The following ABCA9 variants were observed in gnomAD, a reference collection of about 807,000 sequenced individuals.
The protein encoded by ABCA9 is ATP binding cassette subfamily A member 9, also known as ATP-binding cassette sub-family A member 9.
ABCA9 carries 183 observed loss-of-function variants against 205.3 expected under a neutral mutation model. That is an observed-to-expected ratio of 0.89 (90% CI 0.79 to 1.01). The LOEUF (loss-of-function observed/expected upper bound fraction) is 1.01, where lower values mean the gene tolerates loss of function less well. Among genes scored for constraint, ABCA9 ranks in the 50% least tolerant of loss-of-function variants. The probability of loss-of-function intolerance (pLI) is 0.00; values close to 1 mark genes in which losing one functional copy is unlikely to be tolerated. For synonymous variants in ABCA9, 651 were observed against 683.3 expected, an observed-to-expected ratio of 0.95 and a Z score of 0.74; for missense variants, 1,805 against 1,912.4, an observed-to-expected ratio of 0.94 and a Z score of 1.05.
At position 69,020,388 on chromosome 17, in the gene ABCA9, A is replaced by G. The variant is rs752696068; in HGVS notation, c.2600T>C (p.Ile867Thr). ...LKKERKSLWTILLLFGISFIP... is the reference protein window; with the variant it reads ...LKKERKSLWTTLLLFGISFIP... Reference sequence around the variant, plus strand: ...AAATCTGAAACACTCAGATACTCACATAGTCCACAGGCTTTTTCTTTCTTT... The same window carrying G: ...AAATCTGAAACACTCAGATACTCACGTAGTCCACAGGCTTTTTCTTTCTTT... The change falls in exon 19 of 39, where the codon ATA becomes ACA. Residue 867 changes from isoleucine (I) to threonine (T), a missense_variant and splice_region_variant. Transcript: ENST00000340001. The G allele has an allele frequency of 6.2e-7, 1 of 1,610,766 alleles. No individual in the cohort carries two copies. Among genetic ancestry groups the G allele is most frequent in the Non-Finnish European group, 8.5e-7 (1 of 1,178,964 alleles).
At position 69,021,906 on chromosome 17, in the gene ABCA9, TGAG is replaced by T. The variant is rs1440965458; in HGVS notation, c.2282-48_2282-46del. 3.8e-6 allele frequency: 5 copies of T among 1,309,138 alleles called. No homozygotes were observed. The South Asian group carries it at 8.6e-5, about 23-fold the overall frequency. 81.1% of individuals were successfully genotyped at this position (1,309,138 alleles called of 1,614,324 possible). On this transcript the variant is annotated intron_variant, in intron 17 of 38. Transcript: ENST00000340001. ...CAGATTATAAGAATATAATTTATAATGAGAACCATATTTCTCAAAAATGTAAAA... is the reference window on the plus strand; with the variant it reads ...CAGATTATAAGAATATAATTTATAATAACCATATTTCTCAAAAATGTAAAA...
At chr17:68,988,343 A>G (rs573804510) in intron 31 of ABCA9, among the ~76,000 whole-genome samples, 4 of 150,890 alleles carry the variant, frequency 2.7e-5, no homozygotes, top group Non-Finnish European at 4.4e-5. Flanking sequence ...ATAATTATCC[A>G]TTTTTTTTTC....
chr17:69,033,890 C>T lies in ABCA9; in HGVS notation c.1129-17G>A, dbSNP rs1348998648. 1 of 1,556,836 alleles carries T rather than the reference C, an allele frequency of 6.4e-7. No homozygotes were observed. The highest frequency in any genetic ancestry group is 1.9e-5 in the Admixed American group (1 of 53,276). The stretch of plus-strand genomic sequence containing the variant: ...ATGTATAAGCTGAAAAAGAAAGATA[C>T]AGTGAATTTTAAAAGAATTAATATG... On this transcript the variant is annotated splice_polypyrimidine_tract_variant and intron_variant, in intron 8 of 38. Coordinates refer to ENST00000340001, the MANE Select transcript of ABCA9 (RefSeq NM_080283.4).
the ABCA9 span, among the ~76,000 whole-genome samples, chr17:69,072,660 A>G: frequency 1.3e-5 from 2 of 152,032 alleles, no homozygotes; most frequent in Admixed American, 6.6e-5. Flanking sequence ...AAATGTAAAG[A>G]CCATCAACAC....
In ABCA9 at chr17:69,023,121, G is replaced by A. The variant is rs1175134254; in HGVS notation, c.2281+1093C>T. 6.6e-6 allele frequency: 1 copy of A among 152,096 alleles called. No homozygotes were observed. The highest frequency in any genetic ancestry group is 1.5e-5 in the Non-Finnish European group (1 of 68,016). The allele number at this position is 152,096 out of a possible 1,614,324, so 9.4% of individuals were successfully genotyped here. Reference sequence around the variant, plus strand: ...TATTTCATCATCTTTTAATATATCTGAAATAATAATGGATCTTAAATGATA... The same window carrying A: ...TATTTCATCATCTTTTAATATATCTAAAATAATAATGGATCTTAAATGATA... On this transcript the variant is annotated intron_variant, in intron 17 of 38. Transcript: ENST00000340001. The surrounding 1 kb of genome is among the most constrained non-coding windows in gnomAD (Gnocchi z 4.2).
At chr17:69,071,245 G>A in the ABCA9 span, among the ~76,000 whole-genome samples, 1 of 152,206 alleles carries the variant, frequency 6.6e-6, no homozygotes, top group Admixed American at 6.5e-5. Context: ...GCTCTGCTAA[G>A]GGACAGACTG....
In ABCA9 at chr17:69,035,414, C is replaced by A. The variant is rs1259044361; in HGVS notation, c.960G>T (p.Leu320=). ...YGLSLITLAF[L]MSVLIKKPFL... ...AAGGTTTCTTTATCAACACACTCAT[C>A]AGGAAAGCTAAAGTTATCTGAGAAA... Residue 320 remains leucine (L), a synonymous_variant, in exon 8 of 39, where the codon CTG becomes CTT. Coordinates refer to ENST00000340001, the MANE Select transcript of ABCA9 (RefSeq NM_080283.4). 3 of 1,588,096 alleles carry A rather than the reference C, an allele frequency of 1.9e-6. No homozygotes were observed. Among genetic ancestry groups the A allele is most frequent in the Non-Finnish European group, 2.6e-6 (3 of 1,169,638 alleles).
intron 35 of ABCA9, 29 bp downstream of exon 35, chr17:68,984,027 G>T (rs2069148567): frequency 1.2e-6 from 2 of 1,613,682 alleles, no homozygotes; most frequent in Non-Finnish European, 1.7e-6. Context: ...CAACCTAGGG[G>T]CTGAGCGCCG....
chr17:69,060,090 T>C (rs144923845), intron 1 of ABCA9, among the ~76,000 whole-genome samples: 1 of 152,200 alleles, frequency 6.6e-6, no homozygotes, highest in Non-Finnish European at 1.5e-5. Context: ...AACAATTACA[T>C]AATCTCATTG....
chr17:69,024,141 A>G, intron 17 of ABCA9, 73 bp downstream of exon 17: 1 of 1,514,356 alleles, frequency 6.6e-7, no homozygotes, highest in Non-Finnish European at 9.1e-7. Context: ...AAAACTAGCC[A>G]TCATTCTTAT....
intron 6 of ABCA9, among the ~76,000 whole-genome samples, chr17:69,036,871 C>CTAAAAAAAAA (rs2071357443): frequency 2.1e-4 from 1 of 4,708 alleles, no homozygotes; most frequent in East Asian, 0.015. Flanking sequence ...AAATGGAAAG[C>CTAAAAAAAAA]AAAAAAAAAA....
chr17:68,996,927 T>A (rs2069644011), intron 25 of ABCA9, among the ~76,000 whole-genome samples: 1 of 152,210 alleles, frequency 6.6e-6, no homozygotes, highest in Non-Finnish European at 1.5e-5. Context: ...TTTTAAATTA[T>A]TCTTTTTTTC....
chr17:69,008,169 G>C lies in ABCA9; in HGVS notation c.3214C>G (p.Leu1072Val), dbSNP rs143208550. 1 of 1,614,018 alleles carries C rather than the reference G, an allele frequency of 6.2e-7. No individual in the cohort carries two copies. The highest frequency in any genetic ancestry group is 8.5e-7 in the Non-Finnish European group (1 of 1,179,908). ...AAAAAGTACAGGGAAACATCCACCA[G>C]TGCTTGGCCAAACCAGTATGCAGAA... is the stretch of plus-strand genomic sequence containing the variant. The part of the protein sequence containing the change: ...YPSAYWFGQA[L>V]VDVSLYFLIL... Residue 1072 changes from leucine to valine, a missense_variant, in exon 24 of 39, where the codon CTG becomes GTG. Leu to Val is a conservative substitution (Grantham distance 32, BLOSUM62 1). Coordinates refer to ENST00000340001, the MANE Select transcript of ABCA9 (RefSeq NM_080283.4).
At chr17:69,028,495 G>A (rs1352019216) in intron 12 of ABCA9, 40 bp downstream of exon 12, 2 of 1,380,806 alleles carry the variant, frequency 1.4e-6, no homozygotes, top group African/African-American at 1.4e-5. Context: ...ATATTAATGT[G>A]TTTGTCCAGG....
intron 25 of ABCA9, among the ~76,000 whole-genome samples, chr17:69,005,092 C>A (rs923160190): frequency 6.6e-6 from 1 of 152,216 alleles, no homozygotes; most frequent in Non-Finnish European, 1.5e-5. Context: ...CTGCGTCGCT[C>A]AGGCTGGGAG....
At chr17:69,053,812 C>G (rs920243984) in intron 1 of ABCA9, among the ~76,000 whole-genome samples, 3 of 151,936 alleles carry the variant, frequency 2.0e-5, no homozygotes, top group African/African-American at 7.3e-5. Flanking sequence ...GCTAGACACC[C>G]AACCTTAGAT....
intron 16 of ABCA9, among the ~76,000 whole-genome samples, chr17:69,025,067 C>A (rs879526932): frequency 1.3e-5 from 2 of 152,046 alleles, no homozygotes; most frequent in African/African-American, 4.8e-5. Flanking sequence ...ATAGTACTTA[C>A]AAGTGCTATC....
chr17:69,078,908 C>A, the ABCA9 span: 2 of 885,738 alleles, frequency 2.3e-6, no homozygotes, highest in Non-Finnish European at 3.4e-6. Flanking sequence ...ATTAAACATA[C>A]TATTAATTAT....
chr17:69,029,274 G>C (rs749881750), intron 10 of ABCA9, 47 bp from the exon 11 acceptor site: 1 of 1,253,258 alleles, frequency 8.0e-7, no homozygotes, highest in Non-Finnish European at 1.1e-6. Context: ...AAAATGTGCA[G>C]AGGATTGATA....
Sources: allele counts gnomAD v4.1 joint callset (sites outside exome capture counted in the v4.1 genomes callset), GRCh38; gene constraint gnomAD v4.1.1; non-coding constraint Gnocchi (gnomAD v3.1); transcripts MANE v1.5; gene names NCBI Gene and HGNC (gene_info 2026-07-23, HGNC 2026-07-21).